PLA2R1: variants seen among roughly 807,000 people sequenced by gnomAD.
The protein encoded by PLA2R1 is phospholipase A2 receptor 1.
Under a neutral mutation model 195.9 loss-of-function variants are expected in PLA2R1, and 158 were observed. The ratio of observed to expected loss-of-function variants is 0.81; its 90% CI spans 0.71 to 0.92. The LOEUF is 0.92. Ranked by LOEUF, PLA2R1 falls within the 40% of genes least tolerant of loss-of-function variation. The pLI, the probability that PLA2R1 is intolerant of heterozygous loss-of-function variation, is 0.00. For missense variants in PLA2R1, 1,626 were observed against 1,764.6 expected (o/e 0.92, Z 1.41); for synonymous variants, 586 against 598.2 (o/e 0.98, Z 0.30).
chr2:159,943,613 G>A (rs554741976), intron 28 of PLA2R1, among the ~76,000 whole-genome samples: 21 of 152,206 alleles, frequency 1.4e-4, no homozygotes, highest in African/African-American at 4.8e-4. Context: ...CACTTTTCCC[G>A]TCTGTAAAAT....
chr2:160,021,483 G>A (rs1344780714), intron 7 of PLA2R1, among the ~76,000 whole-genome samples: 6 of 152,108 alleles, frequency 3.9e-5, no homozygotes, highest in Non-Finnish European at 7.3e-5. Flanking sequence ...CATATCTTTC[G>A]CACACAGGTA....
chr2:159,995,538 ATAGTGTGACATGGAAGTT>A (rs1691154127), intron 11 of PLA2R1, among the ~76,000 whole-genome samples: 1 of 152,040 alleles, frequency 6.6e-6, no homozygotes, highest in Non-Finnish European at 1.5e-5. Flanking sequence ...TTTTTGCAGT[ATAGTGTGACATGGAAGTT>A]TATTACTCTC....
At chr2:159,927,786 C>T (rs1302408414), downstream of PLA2R1, among the ~76,000 whole-genome samples, 1 of 152,202 alleles carries the variant, frequency 6.6e-6, no homozygotes, top group African/African-American at 2.4e-5. Context: ...TCTTAACCTC[C>T]TCCTTTCTTG....
chr2:160,062,353 C>T lies in PLA2R1; in HGVS notation c.51G>A (p.Arg17=), dbSNP rs1164339439. The T allele has an allele frequency of 6.5e-7, 1 of 1,536,948 alleles. No individual in the cohort carries two copies. Among genetic ancestry groups the T allele is most frequent in the East Asian group, 2.6e-5 (1 of 38,940 alleles). ...LLLLLLLGAP[R]GCAEGVAAAL... is the part of the protein sequence containing the mutation. The stretch of plus-strand genomic sequence containing the variant: ...CCGCCGCCACACCCTCGGCGCAGCC[C>T]CGCGGCGCCCCCAGCAGCAGCAGCA... Residue 17 remains arginine (R), a synonymous_variant, in exon 1 of 30, where the codon CGG becomes CGA. Transcript: ENST00000283243.
chr2:160,014,968 T>C (rs978048124), intron 9 of PLA2R1, among the ~76,000 whole-genome samples: 1 of 152,206 alleles, frequency 6.6e-6, no homozygotes, highest in Non-Finnish European at 1.5e-5. Flanking sequence ...ATTAGCAGTT[T>C]TTAGATCATA....
At chr2:160,011,260 G>T (rs1181406408) in intron 10 of PLA2R1, among the ~76,000 whole-genome samples, 1 of 152,168 alleles carries the variant, frequency 6.6e-6, no homozygotes, top group African/African-American at 2.4e-5. Context: ...GGTCACTGTG[G>T]CACTATGGGT....
At chr2:160,041,359 A>C (rs1694508724) in intron 3 of PLA2R1, among the ~76,000 whole-genome samples, 1 of 152,218 alleles carries the variant, frequency 6.6e-6, no homozygotes, top group Non-Finnish European at 1.5e-5. Flanking sequence ...ACAATTGGAA[A>C]CTTTTTAGCT....
rs1171361625 is a variant in PLA2R1 at position 160,005,774 on chromosome 2, A to C, written c.1712T>G (p.Met571Arg). 4 of 1,613,060 alleles carry C rather than the reference A, an allele frequency of 2.5e-6. No individual in the cohort carries two copies. Among genetic ancestry groups the C allele is most frequent in the Admixed American group, 1.7e-5 (1 of 60,014 alleles). The part of the protein sequence containing the change: ...ITSLISSVVK[M>R]KDSYFWIALQ... ...AGCTATCCAAAAATAACTGTCCTTC[A>C]TTTTTACCACACTACTGATCAAACT... The change falls in exon 11 of 30, where the codon ATG (methionine) becomes AGG (arginine). Residue 571 changes from methionine to arginine, a missense_variant. Coordinates refer to ENST00000283243, the MANE Select transcript of PLA2R1 (RefSeq NM_007366.5).
intron 17 of PLA2R1, among the ~76,000 whole-genome samples, chr2:159,972,576 A>G (rs759641441): frequency 3.7e-4 from 56 of 152,232 alleles, no homozygotes; most frequent in Non-Finnish European, 6.8e-4. Flanking sequence ...TGTTCCCATC[A>G]AGGATGACAA....
intron 18 of PLA2R1, 26 bp downstream of exon 18, chr2:159,970,121 TA>T: frequency 6.7e-7 from 1 of 1,486,200 alleles, no homozygotes; most frequent in Non-Finnish European, 9.3e-7. Flanking sequence ...CAAACAAAAT[TA>T]AATGCAAATG....
chr2:160,038,788 G>A (rs1694332758), intron 3 of PLA2R1, among the ~76,000 whole-genome samples: 1 of 152,132 alleles, frequency 6.6e-6, no homozygotes, highest in African/African-American at 2.4e-5. Context: ...GCATTGCTGA[G>A]CCATGTTGAG....
At chr2:160,027,685 A>T (rs1244001397) in intron 6 of PLA2R1, among the ~76,000 whole-genome samples, 2 of 152,198 alleles carry the variant, frequency 1.3e-5, no homozygotes, top group African/African-American at 4.8e-5. Flanking sequence ...AAAAGAGGTT[A>T]TAGACCTGAA....
chr2:159,986,922 T>G (rs6756949), intron 12 of PLA2R1, among the ~76,000 whole-genome samples: 33,241 of 152,116 alleles, frequency 0.22, 4,124 homozygotes, highest in Admixed American at 0.38. Flanking sequence ...GATATCAATC[T>G]TCATGAGGAA....
At chr2:160,013,922 A>G (rs1692562655) in intron 9 of PLA2R1, among the ~76,000 whole-genome samples, 1 of 152,138 alleles carries the variant, frequency 6.6e-6, no homozygotes, top group Admixed American at 6.5e-5. Flanking sequence ...TAATAATAGT[A>G]TTTATGGGGT....
intron 27 of PLA2R1, chr2:159,946,213 T>C (rs1304034903): frequency 2.1e-6 from 2 of 940,040 alleles, no homozygotes; most frequent in South Asian, 4.9e-5. Context: ...TAAACAATGT[T>C]GGTGATTAAA....
chr2:160,014,876 G>A (rs866113457), intron 9 of PLA2R1, among the ~76,000 whole-genome samples: 1 of 152,096 alleles, frequency 6.6e-6, no homozygotes, highest in Non-Finnish European at 1.5e-5. Context: ...GTAGGAGCAG[G>A]GATATTAGAC....
intron 11 of PLA2R1, among the ~76,000 whole-genome samples, chr2:159,998,835 C>T (rs575853145): frequency 1.3e-4 from 20 of 152,244 alleles, no homozygotes; most frequent in African/African-American, 4.6e-4. Context: ...TCCTCTTGAA[C>T]TTTTATGATA....
In PLA2R1 at chr2:160,042,036, C is replaced by CA; in HGVS notation, c.655dup (p.Cys219LeufsTer3). On this transcript the variant is annotated frameshift_variant, in exon 3 of 30. Coordinates refer to ENST00000283243, the MANE Select transcript of PLA2R1 (RefSeq NM_007366.5). LOFTEE classifies it high-confidence loss of function. ...AAATTTATTCTTACTGGGATCAGGG[C>CA]AAAATCCCCACTTTTCATCTCTTTC... 1 of 1,613,290 alleles carries CA rather than the reference C, an allele frequency of 6.2e-7. No individual in the cohort carries two copies. The highest frequency in any genetic ancestry group is 8.5e-7 in the Non-Finnish European group (1 of 1,179,308).
intron 3 of PLA2R1, among the ~76,000 whole-genome samples, chr2:160,037,319 G>GT (rs1256510751): frequency 3.3e-5 from 5 of 152,156 alleles, no homozygotes; most frequent in African/African-American, 7.2e-5. Flanking sequence ...TTAGAATTAG[G>GT]TAAGTCCTTA....
Sources: gnomAD v4.1 joint callset for allele counts (sites outside exome capture counted in the v4.1 genomes callset) on GRCh38, gnomAD v4.1.1 for gene constraint, MANE v1.5 for transcripts, NCBI Gene and HGNC (gene_info 2026-07-23, HGNC 2026-07-21) for gene names.